Variants in LRBA observed in about 807,000 individuals in gnomAD.
LRBA encodes the protein lipopolysaccharide-responsive and beige-like anchor protein.
In LRBA, 176 loss-of-function variants were observed where a neutral mutation model predicts 330.0. That is an observed-to-expected ratio of 0.53 (90% CI 0.47 to 0.60). LRBA has a LOEUF of 0.60. LRBA is among the 20% of genes least tolerant of loss of function. The pLI, the probability that LRBA is intolerant of heterozygous loss-of-function variation, is 0.00. For synonymous variants in LRBA, 1,230 were observed against 1,193.0 expected (o/e 1.03, Z -0.64); for missense variants, 3,259 against 3,444.8 (o/e 0.95, Z 1.35).
intron 40 of LRBA, among the ~76,000 whole-genome samples, chr4:150,562,259 T>A (rs1356012211): frequency 6.6e-6 from 1 of 152,198 alleles, no homozygotes; most frequent in Non-Finnish European, 1.5e-5. Flanking sequence ...TGTTGCTGAG[T>A]ATTCACCGGT....
At chr4:150,358,485 T>C (rs1738197952) in intron 47 of LRBA, among the ~76,000 whole-genome samples, 1 of 152,148 alleles carries the variant, frequency 6.6e-6, no homozygotes, top group Non-Finnish European at 1.5e-5. Flanking sequence ...TGCTGTAATA[T>C]TTATAGACAT....
intron 42 of LRBA, among the ~76,000 whole-genome samples, chr4:150,483,076 T>C (rs1757474154): frequency 6.6e-6 from 1 of 152,088 alleles, no homozygotes; most frequent in Admixed American, 6.6e-5. Context: ...CACAAAGATT[T>C]TTCTCCTATG....
intron 2 of LRBA, among the ~76,000 whole-genome samples, chr4:151,009,646 T>C (rs1744571984): frequency 1.3e-5 from 2 of 151,550 alleles, no homozygotes; most frequent in African/African-American, 2.4e-5. Context: ...GCCCAGGAAT[T>C]TGAGGCTACA....
rs140053142 is a variant in LRBA at position 150,867,570 on chromosome 4, C to T, written c.2766+101G>A. On this transcript the variant is annotated intron_variant, in intron 22 of 56. Transcript: ENST00000651943. ...GCTGTACTTTCAGAAGATAACTTGC[C>T]TTTTTTCCTTGATTTTAAGTATCGA... is the stretch of plus-strand genomic sequence containing the variant. 90 of 855,798 alleles carry T rather than the reference C, an allele frequency of 1.1e-4. No homozygotes were observed. The Middle Eastern group carries it at 2.1e-3, about 20-fold the overall frequency. 53.0% of individuals were successfully genotyped at this position (855,798 alleles called of 1,614,324 possible).
intron 37 of LRBA, among the ~76,000 whole-genome samples, chr4:150,654,059 A>AAT (rs1202530789): frequency 6.6e-6 from 1 of 152,326 alleles, no homozygotes; most frequent in Admixed American, 6.5e-5. Context: ...TGTAGTATAT[A>AAT]ATAGCAAATT....
rs1238403589 is a variant in LRBA at position 150,852,663 on chromosome 4, T to C, written c.3047A>G (p.Tyr1016Cys). Residue 1016 changes from tyrosine to cysteine, a missense_variant, in exon 23 of 57, where the codon TAT (tyrosine) becomes TGT (cysteine). Physicochemically the swap from Tyr to Cys is radical, Grantham distance 194. Transcript: ENST00000651943. ...TTCTTGCTCAGCTTTCATTTCTTCA[T>C]AAGATGTATTAGTAGTTTGCAGTTC... is the stretch of plus-strand genomic sequence containing the variant. ...NIELQTTNTSYEEMKAEQENQ... is the reference protein window; with the variant it reads ...NIELQTTNTSCEEMKAEQENQ... 1 of 1,613,992 alleles carries C rather than the reference T, an allele frequency of 6.2e-7. No homozygotes were observed. Among genetic ancestry groups the C allele is most frequent in the Non-Finnish European group, 8.5e-7 (1 of 1,179,986 alleles).
At chr4:150,989,077 A>G (rs1308181537) in intron 2 of LRBA, among the ~76,000 whole-genome samples, 2 of 151,982 alleles carry the variant, frequency 1.3e-5, no homozygotes, top group African/African-American at 4.8e-5. Flanking sequence ...ATCTGGGATC[A>G]CTGGAACCTC....
intron 36 of LRBA, among the ~76,000 whole-genome samples, chr4:150,703,699 A>G (rs903282361): frequency 1.3e-5 from 2 of 152,220 alleles, no homozygotes; most frequent in Non-Finnish European, 1.5e-5. Context: ...TTTCTCCTAC[A>G]TGATTGTAAT....
intron 2 of LRBA, among the ~76,000 whole-genome samples, chr4:150,987,366 G>T (rs1741577380): frequency 6.6e-6 from 1 of 152,208 alleles, no homozygotes; most frequent in South Asian, 2.1e-4. Context: ...ACTTACAGAA[G>T]TATGCATATA....
chr4:150,489,113 C>CATATATAATATATAATATATA (rs1311425670), intron 41 of LRBA, among the ~76,000 whole-genome samples: 4 of 40,344 alleles, frequency 9.9e-5, no homozygotes, highest in East Asian at 7.9e-4. Flanking sequence ...TATTATATAT[C>CATATATAATATATAATATATA]ATATATAATA....
chr4:150,846,529 CAA>C (rs546817482), intron 26 of LRBA, among the ~76,000 whole-genome samples: 11 of 104,564 alleles, frequency 1.1e-4, no homozygotes, highest in Admixed American at 1.0e-4. Flanking sequence ...GCTCCATCTC[CAA>C]AAAAAAAAAA....
At chr4:150,317,257 T>C (rs1333681875) in intron 50 of LRBA, among the ~76,000 whole-genome samples, 1 of 152,174 alleles carries the variant, frequency 6.6e-6, no homozygotes, top group Non-Finnish European at 1.5e-5. Context: ...CATAAGATTT[T>C]AGGAAATCTA....
intron 32 of LRBA, among the ~76,000 whole-genome samples, 184 bp downstream of exon 32, chr4:150,808,136 T>A (rs1743074898): frequency 1.3e-5 from 2 of 152,196 alleles, no homozygotes; most frequent in South Asian, 4.1e-4. Flanking sequence ...TCAAATGACT[T>A]GTACATCTTA....
At chr4:150,508,795 T>C (rs1761479298) in intron 40 of LRBA, among the ~76,000 whole-genome samples, 1 of 152,102 alleles carries the variant, frequency 6.6e-6, no homozygotes, top group Non-Finnish European at 1.5e-5. Flanking sequence ...TCCTCTGTAA[T>C]TAATAAAACA....
chr4:150,802,054 TAA>T (rs1402465385), intron 33 of LRBA, among the ~76,000 whole-genome samples: 17 of 125,076 alleles, frequency 1.4e-4, no homozygotes, highest in Non-Finnish European at 1.8e-4. Context: ...AATAAATCAA[TAA>T]AATTTTTTAA....
intron 36 of LRBA, among the ~76,000 whole-genome samples, chr4:150,716,423 T>C (rs1728212556): frequency 6.6e-6 from 1 of 152,078 alleles, no homozygotes; most frequent in South Asian, 2.1e-4. Flanking sequence ...AAAAAATAGG[T>C]ATGACCTTTG....
chr4:150,333,766 T>A (rs1158237832), intron 48 of LRBA, among the ~76,000 whole-genome samples: 1 of 152,156 alleles, frequency 6.6e-6, no homozygotes, highest in Non-Finnish European at 1.5e-5. Context: ...AGCTTCGATA[T>A]CAGTTAAGTT....
At chr4:150,620,702 G>C (rs950195400) in intron 37 of LRBA, among the ~76,000 whole-genome samples, 3 of 152,166 alleles carry the variant, frequency 2.0e-5, no homozygotes, top group Admixed American at 1.3e-4. Context: ...AAGTAACTGA[G>C]GAATGGAAAA....
chr4:150,311,456 T>G (rs538551102), intron 51 of LRBA: 2 of 152,230 alleles, frequency 1.3e-5, no homozygotes, highest in South Asian at 4.1e-4. Context: ...TATATTAATG[T>G]GGGTAGTTTA....
Sources: gnomAD v4.1 joint callset for allele counts (sites outside exome capture counted in the v4.1 genomes callset) on GRCh38, gnomAD v4.1.1 for gene constraint, MANE v1.5 for transcripts, NCBI Gene and HGNC (gene_info 2026-07-23, HGNC 2026-07-21) for gene names.